Variants in SNTN observed in about 807,000 individuals in gnomAD.
SNTN encodes sentan.
In SNTN, 13 loss-of-function variants were observed where a neutral mutation model predicts 12.3. The ratio of observed to expected loss-of-function variants is 1.05; its 90% CI spans 0.69 to 1.67. SNTN has a LOEUF of 1.67. Ranked by LOEUF, SNTN falls within the 40% of genes most tolerant of loss-of-function variation. The pLI, the probability that SNTN is intolerant of heterozygous loss-of-function variation, is 0.00. For missense variants in SNTN, 189 were observed against 169.8 expected (o/e 1.11, Z -0.63); for synonymous variants, 69 against 58.5 (o/e 1.18, Z -0.82).
At chr3:63,653,120 T>C (rs1017718501) in intron 1 of SNTN, among the ~76,000 whole-genome samples, 1 of 152,182 alleles carries the variant, frequency 6.6e-6, no homozygotes, top group African/African-American at 2.4e-5. Context: ...TTTATATTAT[T>C]CAAATGTGTA....
chr3:63,653,441 C>T (rs1700643480), intron 1 of SNTN, among the ~76,000 whole-genome samples: 1 of 152,032 alleles, frequency 6.6e-6, no homozygotes, highest in African/African-American at 2.4e-5. Context: ...GAGCAGGAGG[C>T]ACTCACCAAG....
intron 3 of SNTN, among the ~76,000 whole-genome samples, chr3:63,660,221 C>T (rs1483891316): frequency 6.6e-6 from 1 of 152,000 alleles, no homozygotes. Context: ...GGTAGCTAGG[C>T]AAGGGGGAGT....
At chr3:63,663,128 G>T (rs952965293) in intron 3 of SNTN, among the ~76,000 whole-genome samples, 1 of 152,080 alleles carries the variant, frequency 6.6e-6, no homozygotes, top group Non-Finnish European at 1.5e-5. Flanking sequence ...ATTGTATTTT[G>T]AAAATTTAAA....
At chr3:63,652,842 G>A (rs557465891) in intron 1 of SNTN, 45 bp downstream of exon 1, 6 of 1,564,962 alleles carry the variant, frequency 3.8e-6, no homozygotes, top group East Asian at 2.2e-5. Context: ...ATTTAAGCTT[G>A]CAGATATATT....
At chr3:63,658,937 G>A (rs1055860462) in intron 2 of SNTN, among the ~76,000 whole-genome samples, 2 of 152,170 alleles carry the variant, frequency 1.3e-5, no homozygotes, top group African/African-American at 4.8e-5. Context: ...TGGGAATACA[G>A]TGATTTTAAG....
intron 1 of SNTN, among the ~76,000 whole-genome samples, chr3:63,653,727 C>A (rs1700646021): frequency 6.6e-6 from 1 of 152,194 alleles, no homozygotes; most frequent in Non-Finnish European, 1.5e-5. Flanking sequence ...TTCCTGCCTC[C>A]AATTTGGCCC....
chr3:63,661,966 G>A (rs182590330), intron 3 of SNTN, among the ~76,000 whole-genome samples: 38 of 152,226 alleles, frequency 2.5e-4, no homozygotes, highest in African/African-American at 8.2e-4. Context: ...CCGGTCCTTA[G>A]GAAAGACACC....
chr3:63,657,501 C>T (rs752247405), intron 2 of SNTN, among the ~76,000 whole-genome samples: 30 of 152,136 alleles, frequency 2.0e-4, no homozygotes, highest in Non-Finnish European at 3.7e-4. Flanking sequence ...AACGCCTCAC[C>T]GAATATCATC....
At chr3:63,657,014 G>A (rs528776610) in intron 2 of SNTN, among the ~76,000 whole-genome samples, 1 of 152,272 alleles carries the variant, frequency 6.6e-6, no homozygotes, top group East Asian at 1.9e-4. Context: ...TCATCCCAGG[G>A]AGGAGTCATT....
rs1700720691 is a variant in SNTN, at chr3:63,659,726, T to C, written c.147T>C (p.Ala49=). Residue 49 remains alanine, a splice_region_variant and synonymous_variant, in exon 3 of 4, where the codon GCT becomes GCC. Transcript: ENST00000343837. ...SISKQLASVK[A]LRKCSDLEKA... is the part of the protein sequence containing the mutation. ...TATTCCACATTTCTTCTCTCCTAGC[T>C]CTGAGGAAGTGCTCAGATCTGGAAA... is the stretch of plus-strand genomic sequence containing the variant. 1 of 1,613,814 alleles carries C rather than the reference T, an allele frequency of 6.2e-7. No individual in the cohort carries two copies. The highest frequency in any genetic ancestry group is 2.2e-5 in the East Asian group (1 of 44,874).
At chr3:63,662,618 C>G (rs1271685467) in intron 3 of SNTN, among the ~76,000 whole-genome samples, 1 of 152,092 alleles carries the variant, frequency 6.6e-6, no homozygotes, top group Admixed American at 6.5e-5. Context: ...GGAATCTGAC[C>G]CTTTCTAAAT....
Position 63,664,166 on chromosome 3 carries a change from G to T in SNTN, c.*71G>T. 1 of 1,401,684 alleles carries T rather than the reference G, an allele frequency of 7.1e-7. No homozygotes were observed. The highest frequency in any genetic ancestry group is 1.5e-5 in the South Asian group (1 of 68,550). The allele number at this position is 1,401,684 out of a possible 1,614,324, so 86.8% of individuals were successfully genotyped here. ...ATTAAAATGTTTCCATCTTATTTTT[G>T]ATTAATTGAATATATCTATCATGCA... On this transcript the variant is annotated 3_prime_UTR_variant, in exon 4 of 4. Transcript: ENST00000343837.
chr3:63,662,360 T>G (rs1364129349), intron 3 of SNTN, among the ~76,000 whole-genome samples: 1 of 152,152 alleles, frequency 6.6e-6, no homozygotes, highest in African/African-American at 2.4e-5. Context: ...GCCTTTCCCA[T>G]AAGGCTAAAC....
intron 3 of SNTN, among the ~76,000 whole-genome samples, chr3:63,661,446 G>T (rs555164988): frequency 1.3e-5 from 2 of 152,056 alleles, no homozygotes; most frequent in Non-Finnish European, 1.5e-5. Flanking sequence ...TCACCCACTG[G>T]GGGGAGCTAA....
At position 63,663,996 on chromosome 3, in the gene SNTN, A is replaced by G; in HGVS notation, c.345A>G (p.Glu115=). ...EILSELDEHT[E]NKLDFEDFMI... ...TTTCTGAACTTGATGAGCACACAGA[A>G]AATAAGCTAGATTTTGAAGACTTCA... Residue 115 remains glutamate (E), a synonymous_variant, in exon 4 of 4, where the codon GAA becomes GAG. Transcript: ENST00000343837. 1.2e-6 allele frequency: 2 copies of G among 1,614,086 alleles called. No homozygotes were observed. The highest frequency in any genetic ancestry group is 1.7e-6 in the Non-Finnish European group (2 of 1,179,980).
At position 63,658,413 on chromosome 3, in the gene SNTN, T is replaced by C. The variant is rs369891461; in HGVS notation, c.146-1312T>C. Among the ~76,000 whole-genome samples, 70 of 114,074 alleles carry C rather than the reference T, an allele frequency of 6.1e-4. 1 individual carries two copies. Among genetic ancestry groups the C allele is most frequent in the Admixed American group, 2.9e-3 (33 of 11,398 alleles). 74.8% of individuals were successfully genotyped at this position (114,074 alleles called of 152,430 possible). On this transcript the variant is annotated intron_variant, in intron 2 of 3. Transcript: ENST00000343837. Reference sequence around the variant, plus strand: ...ATCACAAGTTGTAAATATATATATATATATATATATATGTAAAATATATAT... The same window carrying C: ...ATCACAAGTTGTAAATATATATATACATATATATATATGTAAAATATATAT...
rs1276183435 is a variant in SNTN, at chr3:63,664,248, A to C, written c.*153A>C. ...GGTATTCAGATCCAATGTAACTCCA[A>C]ATATTTACCCATACACTTCAAGAAT... On this transcript the variant is annotated 3_prime_UTR_variant, in exon 4 of 4. Transcript: ENST00000343837. 1.5e-6 allele frequency: 1 copy of C among 663,792 alleles called. No individual in the cohort carries two copies. The highest frequency in any genetic ancestry group is 2.1e-5 in the South Asian group (1 of 47,198). The allele number at this position is 663,792 out of a possible 1,614,324, so 41.1% of individuals were successfully genotyped here.
intron 2 of SNTN, 21 bp downstream of exon 2, chr3:63,654,817 A>T: frequency 6.2e-7 from 1 of 1,610,712 alleles, no homozygotes; most frequent in South Asian, 1.1e-5. Flanking sequence ...GATGACGCAG[A>T]TGTACATTTT....
intron 3 of SNTN, among the ~76,000 whole-genome samples, chr3:63,660,126 A>T (rs1700728096): frequency 1.3e-5 from 2 of 152,208 alleles, no homozygotes; most frequent in Non-Finnish European, 2.9e-5. Context: ...GTGAGAGTAA[A>T]ACAGAGGAAC....
Sources: allele counts gnomAD v4.1 joint callset (sites outside exome capture counted in the v4.1 genomes callset), GRCh38; gene constraint gnomAD v4.1.1; transcripts MANE v1.5; gene names NCBI Gene and HGNC (gene_info 2026-07-23, HGNC 2026-07-21).